The following CIT variants were observed in gnomAD, a reference collection of about 807,000 sequenced individuals.
CIT encodes citron rho-interacting serine/threonine kinase, also known as citron Rho-interacting kinase.
A neutral mutation model predicts 272.7 loss-of-function variants in CIT; 79 were observed. The observed-to-expected ratio is 0.29, with a 90% CI of 0.24 to 0.35. The LOEUF (loss-of-function observed/expected upper bound fraction) is 0.35, where lower values mean the gene tolerates loss of function less well. Among genes scored for constraint, CIT ranks in the 10% least tolerant of loss-of-function variants. The pLI, the probability that CIT is intolerant of heterozygous loss-of-function variation, is 1.00. For missense variants in CIT, 1,909 were observed against 2,618.3 expected (o/e 0.73, Z 5.91); for synonymous variants, 948 against 995.6 (o/e 0.95, Z 0.90).
intron 10 of CIT, among the ~76,000 whole-genome samples, chr12:119,802,927 T>C (rs906096012): frequency 6.6e-6 from 1 of 152,108 alleles, no homozygotes; most frequent in Non-Finnish European, 1.5e-5. Flanking sequence ...CTCTCTCCCC[T>C]TTAAAGAAGA....
Position 119,728,733 on chromosome 12 carries a change from G to A in CIT, c.3487-127C>T, listed in dbSNP as rs1416962566. 7.6e-6 allele frequency: 5 copies of A among 657,294 alleles called. No individual in the cohort carries two copies. Among genetic ancestry groups the A allele is most frequent in the Non-Finnish European group, 1.3e-5 (5 of 386,328 alleles). 40.7% of individuals were successfully genotyped at this position (657,294 alleles called of 1,614,324 possible). ...TTCTAAAGGTCAGAACGTAAAGGTT[G>A]CTTTTTTCTAAATACAGAAGTCCCT... On this transcript the variant is annotated intron_variant, in intron 27 of 47. Transcript: ENST00000392521. The surrounding 1 kb of genome is among the most constrained non-coding windows in gnomAD (Gnocchi z 4.3).
rs1950592315 is a variant in CIT, at chr12:119,869,030, A to T, written c.238+30T>A. 8.7e-6 allele frequency: 14 copies of T among 1,608,150 alleles called. No homozygotes were observed. The East Asian group carries it at 3.1e-4, about 36-fold the overall frequency. On this transcript the variant is annotated intron_variant, in intron 3 of 47. Transcript: ENST00000392521. ...CTTTCTAGTTTTTCTCTCTCAGGAC[A>T]GTTTTCAAGAAAAAGTTCCCCAAAC...
At chr12:119,769,154 A>C (rs1962800908) in intron 18 of CIT, among the ~76,000 whole-genome samples, 1 of 150,286 alleles carries the variant, frequency 6.7e-6, no homozygotes, top group African/African-American at 2.5e-5. Context: ...AGATCAAAAA[A>C]CTCAGGTATC....
chr12:119,724,284 T>G (rs139172295), intron 28 of CIT, among the ~76,000 whole-genome samples: 16 of 152,352 alleles, frequency 1.1e-4, no homozygotes, highest in Admixed American at 3.3e-4. Flanking sequence ...TGGTAAGTGC[T>G]AATTAAACAT....
In CIT at chr12:119,804,299, G is replaced by A; in HGVS notation, c.1112-910C>T. ...GGCTGCCCATCGCGGTGGGCTCCCG[G>A]GGGTGTCCCCCGCCAGAAACGTTAC... is the stretch of plus-strand genomic sequence containing the variant. On this transcript the variant is annotated intron_variant, in intron 9 of 47. Coordinates refer to ENST00000392521, the MANE Select transcript of CIT (RefSeq NM_001206999.2). The surrounding 1 kb of genome is among the most constrained non-coding windows in gnomAD (Gnocchi z 5.3). 1 of 985,510 alleles carries A rather than the reference G, an allele frequency of 1.0e-6. No homozygotes were observed. Among genetic ancestry groups the A allele is most frequent in the Non-Finnish European group, 1.2e-6 (1 of 830,010 alleles). The allele number at this position is 985,510 out of a possible 1,614,324, so 61.0% of individuals were successfully genotyped here.
chr12:119,719,995 C>A (rs1490261901), intron 30 of CIT, among the ~76,000 whole-genome samples: 4 of 152,170 alleles, frequency 2.6e-5, no homozygotes, highest in African/African-American at 9.7e-5. Flanking sequence ...AGGCAGGTCA[C>A]CCCAGCTCCC....
chr12:119,705,763 C>T (rs71454608), intron 40 of CIT, among the ~76,000 whole-genome samples: 469 of 90,794 alleles, frequency 5.2e-3, no homozygotes, highest in African/African-American at 0.019. Flanking sequence ...CAGAGTGAGA[C>T]TCTGTCTCAA....
At chr12:119,740,548 T>TA (rs1959009784) in intron 24 of CIT, among the ~76,000 whole-genome samples, 1 of 86,388 alleles carries the variant, frequency 1.2e-5, no homozygotes, top group Non-Finnish European at 2.9e-5. Flanking sequence ...TAAAAAAAAG[T>TA]TTTTTAGAAA....
intron 26 of CIT, among the ~76,000 whole-genome samples, chr12:119,733,541 A>C (rs1439969845): frequency 1.3e-5 from 2 of 152,044 alleles, no homozygotes; most frequent in Non-Finnish European, 2.9e-5. Flanking sequence ...AAAAAAAAAA[A>C]AACAAAAAAA....
At chr12:119,715,674 G>A (rs1247076976) in intron 32 of CIT, among the ~76,000 whole-genome samples, 2 of 152,150 alleles carry the variant, frequency 1.3e-5, no homozygotes, top group Admixed American at 1.3e-4. Context: ...CATTTTTAAT[G>A]AGCGAACTGT....
At chr12:119,828,458 C>A (rs1171518890) in intron 7 of CIT, among the ~76,000 whole-genome samples, 1 of 151,818 alleles carries the variant, frequency 6.6e-6, no homozygotes, top group Non-Finnish European at 1.5e-5. Context: ...CCTCTGGTGG[C>A]AATTCAGTCA....
At position 119,824,038 on chromosome 12, in the gene CIT, C is replaced by CAAAA. The variant is rs33990395; in HGVS notation, c.958-1069_958-1066dup. Among the ~76,000 whole-genome samples the CAAAA allele has an allele frequency of 5.9e-3, 300 of 50,672 alleles. 33 individuals are homozygous for CAAAA. The highest frequency in any genetic ancestry group is 0.023 in the African/African-American group (272 of 11,680). 33.2% of individuals were successfully genotyped at this position (50,672 alleles called of 152,430 possible). On this transcript the variant is annotated intron_variant, in intron 8 of 47. Coordinates refer to ENST00000392521, the MANE Select transcript of CIT (RefSeq NM_001206999.2). ...TGGGTAACAGAGCAAGACTCCATCT[C>CAAAA]AAAAAAAAAAAAAAAAAAAAAATAG...
At chr12:119,703,725 C>T (rs552854718) in intron 41 of CIT, among the ~76,000 whole-genome samples, 2 of 152,286 alleles carry the variant, frequency 1.3e-5, no homozygotes, top group South Asian at 2.1e-4. Flanking sequence ...CATGCCCAGC[C>T]TCATTTCATT....
rs146054076 is a variant in CIT at position 119,850,270 on chromosome 12, T to A, written c.420A>T (p.Ser140=). The part of the protein sequence containing the change: ...KKALLAQEQV[S]FFEEERNILS... ...ATATGTTCCGCTCTTCCTCAAAAAATGAAACCTAGGGAAAAAAGAAACTGC... is the reference window on the plus strand; with the variant it reads ...ATATGTTCCGCTCTTCCTCAAAAAAAGAAACCTAGGGAAAAAAGAAACTGC... Residue 140 remains serine (S), a synonymous_variant, in exon 5 of 48, where the codon TCA becomes TCT. Transcript: ENST00000392521. 6.6e-5 allele frequency: 106 copies of A among 1,605,166 alleles called. No homozygotes were observed. The highest frequency in any genetic ancestry group is 8.5e-5 in the Non-Finnish European group (100 of 1,175,786).
chr12:119,734,139 G>T, intron 26 of CIT, 25 bp downstream of exon 26: 1 of 1,610,606 alleles, frequency 6.2e-7, no homozygotes, highest in South Asian at 1.1e-5. Flanking sequence ...CCTGTCATGA[G>T]CTTTCCACAA....
At chr12:119,788,586 A>G (rs1224812699) in intron 10 of CIT, among the ~76,000 whole-genome samples, 1 of 152,162 alleles carries the variant, frequency 6.6e-6, no homozygotes, top group Admixed American at 6.6e-5. Context: ...TTAATGACAC[A>G]TAGAAGGCTG....
intron 22 of CIT, among the ~76,000 whole-genome samples, chr12:119,756,660 C>G (rs773587698): frequency 6.6e-6 from 1 of 152,016 alleles, no homozygotes; most frequent in Admixed American, 6.6e-5. Context: ...ACTACTGGGG[C>G]GTGGGAAGAT....
In CIT at chr12:119,701,970, G is replaced by C. The variant is rs1956605353; in HGVS notation, c.5305-12C>G. On this transcript the variant is annotated splice_polypyrimidine_tract_variant and intron_variant, in intron 41 of 47. Transcript: ENST00000392521. ...GAGGTCTCTATCTCCTGAGACATGAGAGCAGAAGAGAAGGATGTGAGAGGT... is the reference window on the plus strand; with the variant it reads ...GAGGTCTCTATCTCCTGAGACATGACAGCAGAAGAGAAGGATGTGAGAGGT... 1.9e-6 allele frequency: 3 copies of C among 1,595,122 alleles called. No homozygotes were observed. The highest frequency in any genetic ancestry group is 1.7e-6 in the Non-Finnish European group (2 of 1,162,924).
At chr12:119,871,910 A>G (rs762958580) in intron 2 of CIT, among the ~76,000 whole-genome samples, 2 of 152,232 alleles carry the variant, frequency 1.3e-5, no homozygotes, top group African/African-American at 4.8e-5. Context: ...CAAGGCCACC[A>G]TATCTGTCAC....
Sources: allele counts gnomAD v4.1 joint callset (sites outside exome capture counted in the v4.1 genomes callset), GRCh38; gene constraint gnomAD v4.1.1; non-coding constraint Gnocchi (gnomAD v3.1); transcripts MANE v1.5; gene names NCBI Gene and HGNC (gene_info 2026-07-23, HGNC 2026-07-21).